The following EYS variants were observed in gnomAD, a reference collection of about 807,000 sequenced individuals.
EYS encodes the protein EGF-like photoreceptor maintenance factor, also known as protein eyes shut homolog.
Under a neutral mutation model 282.1 loss-of-function variants are expected in EYS, and 250 were observed. That is an observed-to-expected ratio of 0.89 (90% CI 0.80 to 0.98). The LOEUF (loss-of-function observed/expected upper bound fraction) is 0.98, where lower values mean the gene tolerates loss of function less well. EYS is among the 50% of genes least tolerant of loss of function. The probability of loss-of-function intolerance (pLI) is 0.00; values close to 1 mark genes in which losing one functional copy is unlikely to be tolerated. For synonymous variants in EYS, 1,355 were observed against 1,282.9 expected (o/e 1.06, Z -1.20); for missense variants, 4,016 against 3,709.0 (o/e 1.08, Z -2.15).
At chr6:64,874,923 A>C (rs983299948) in intron 19 of EYS, among the ~76,000 whole-genome samples, 1 of 152,034 alleles carries the variant, frequency 6.6e-6, no homozygotes, top group African/African-American at 2.4e-5. Flanking sequence ...TGCCATGATG[A>C]GGCGAGCTGA....
chr6:65,647,974 C>T (rs1451535989), intron 1 of EYS, among the ~76,000 whole-genome samples: 6 of 151,708 alleles, frequency 4.0e-5, no homozygotes, highest in African/African-American at 7.3e-5. Context: ...ATCAAAACCA[C>T]GATGTGCTAC....
chr6:64,913,648 AG>A (rs1161979988), intron 15 of EYS, among the ~76,000 whole-genome samples: 15 of 152,260 alleles, frequency 9.9e-5, no homozygotes, highest in South Asian at 6.2e-4. Flanking sequence ...TTCTTTATCC[AG>A]TCCACCGTTG....
chr6:65,411,932 C>T (rs1468271061), intron 5 of EYS, among the ~76,000 whole-genome samples: 1 of 151,518 alleles, frequency 6.6e-6, no homozygotes, highest in Non-Finnish European at 1.5e-5. Context: ...TTCACTATTA[C>T]AAATTGCTAG....
At chr6:64,226,930 T>C (rs1766268737) in intron 31 of EYS, among the ~76,000 whole-genome samples, 1 of 152,096 alleles carries the variant, frequency 6.6e-6, no homozygotes, top group Non-Finnish European at 1.5e-5. Context: ...TTGACAACTC[T>C]ATTTTGCTGT....
At chr6:64,514,431 T>C (rs1415722910) in intron 26 of EYS, among the ~76,000 whole-genome samples, 1 of 151,872 alleles carries the variant, frequency 6.6e-6, no homozygotes, top group African/African-American at 2.4e-5. Context: ...ACTTGCCTTT[T>C]ATTTATTCAG....
At position 64,637,966 on chromosome 6, in the gene EYS, C is replaced by A. The variant is rs1431913995; in HGVS notation, c.3444-11721G>T. ...TTACAGTAGCATGCTATTTCTAGAT[C>A]ACCTTTTAAAAAAAAGAGAATGAAT... is the stretch of plus-strand genomic sequence containing the variant. On this transcript the variant is annotated intron_variant, in intron 22 of 42. Transcript: ENST00000503581. Among the ~76,000 whole-genome samples, 3 of 88,760 alleles carry A rather than the reference C, an allele frequency of 3.4e-5. 1 individual carries two copies. The highest frequency in any genetic ancestry group is 1.3e-4 in the African/African-American group (3 of 23,292). The allele number at this position is 88,760 out of a possible 152,430, so 58.2% of individuals were successfully genotyped here.
At chr6:65,627,442 T>C (rs1562297248) in intron 2 of EYS, among the ~76,000 whole-genome samples, 1 of 152,154 alleles carries the variant, frequency 6.6e-6, no homozygotes, top group Non-Finnish European at 1.5e-5. Flanking sequence ...TGAGGAGCCC[T>C]TCGGCCGCCG....
chr6:64,421,956 C>G (rs536866672), intron 28 of EYS, among the ~76,000 whole-genome samples: 1 of 151,110 alleles, frequency 6.6e-6, no homozygotes, highest in East Asian at 2.0e-4. Flanking sequence ...TCCTCCCCAT[C>G]AAGAAACATT....
Position 64,715,031 on chromosome 6 carries a change from GTT to G in EYS, c.3444-88788_3444-88787del, listed in dbSNP as rs762649871. 6.6e-3 allele frequency among the ~76,000 whole-genome samples: 958 copies of G among 144,486 alleles called. 14 individuals carry two copies. Among genetic ancestry groups the G allele is most frequent in the African/African-American group, 0.023 (913 of 39,714 alleles). 94.8% of individuals were successfully genotyped at this position (144,486 alleles called of 152,430 possible). On this transcript the variant is annotated intron_variant, in intron 22 of 42. Transcript: ENST00000503581. ...TAATAGTTTAAAGCAGCAGTCCCCA[GTT>G]TTTTTTTTTTGGCACCAGGGACCAG...
chr6:65,074,421 G>T (rs926135722), intron 12 of EYS, among the ~76,000 whole-genome samples: 1 of 151,882 alleles, frequency 6.6e-6, no homozygotes, highest in Non-Finnish European at 1.5e-5. Flanking sequence ...TCAAGGTCTC[G>T]GTGAGACCTT....
At chr6:63,938,401 G>A (rs1765135828) in intron 35 of EYS, among the ~76,000 whole-genome samples, 1 of 152,200 alleles carries the variant, frequency 6.6e-6, no homozygotes, top group Admixed American at 6.5e-5. Context: ...GGGCTCTGCA[G>A]AATTGTAACT....
chr6:64,954,102 T>C (rs528395719), intron 14 of EYS, among the ~76,000 whole-genome samples: 2 of 152,144 alleles, frequency 1.3e-5, no homozygotes, highest in African/African-American at 4.8e-5. Flanking sequence ...ATTTCCTATA[T>C]CTAGTAAATC....
At chr6:64,114,142 C>T (rs957825066) in intron 31 of EYS, among the ~76,000 whole-genome samples, 3 of 151,978 alleles carry the variant, frequency 2.0e-5, no homozygotes, top group Admixed American at 1.3e-4. Context: ...TTTCTCCAGA[C>T]AATATTATGA....
intron 12 of EYS, among the ~76,000 whole-genome samples, chr6:65,242,057 T>C (rs1233132924): frequency 6.6e-6 from 1 of 152,128 alleles, no homozygotes; most frequent in Non-Finnish European, 1.5e-5. Flanking sequence ...TTAATTTGAT[T>C]ACCTGTATAA....
intron 12 of EYS, among the ~76,000 whole-genome samples, chr6:65,065,176 T>G (rs1005460733): frequency 1.3e-5 from 2 of 152,118 alleles, no homozygotes; most frequent in African/African-American, 4.8e-5. Context: ...TAGGCATGTA[T>G]TAAAATTTGG....
chr6:64,273,271 C>T (rs554943629), intron 30 of EYS, among the ~76,000 whole-genome samples: 41 of 152,062 alleles, frequency 2.7e-4, no homozygotes, highest in Admixed American at 6.6e-5. Context: ...TTTATTGAGA[C>T]GGTCACACAT....
At chr6:64,851,263 T>G (rs1180346426) in intron 19 of EYS, among the ~76,000 whole-genome samples, 1 of 151,790 alleles carries the variant, frequency 6.6e-6, no homozygotes, top group East Asian at 1.9e-4. Flanking sequence ...GGCAATAGAG[T>G]TTTCCTTGAT....
At chr6:64,645,528 T>G (rs1050469678) in intron 22 of EYS, among the ~76,000 whole-genome samples, 1 of 152,214 alleles carries the variant, frequency 6.6e-6, no homozygotes, top group Non-Finnish European at 1.5e-5. Flanking sequence ...GTTCTTGACA[T>G]CAGACGGCGT....
chr6:64,610,404 A>ATTT (rs10536697), intron 24 of EYS, among the ~76,000 whole-genome samples: 63 of 100,146 alleles, frequency 6.3e-4, no homozygotes, highest in Non-Finnish European at 1.1e-3. Context: ...TGTTGTAAGA[A>ATTT]TTTTTTTTTT....
Sources: gnomAD v4.1 joint callset for allele counts (sites outside exome capture counted in the v4.1 genomes callset) on GRCh38, gnomAD v4.1.1 for gene constraint, MANE v1.5 for transcripts, NCBI Gene and HGNC (gene_info 2026-07-23, HGNC 2026-07-21) for gene names.